PTPRA: variants seen among roughly 807,000 people sequenced by gnomAD.
PTPRA encodes the protein receptor-type tyrosine-protein phosphatase alpha.
PTPRA carries 25 observed loss-of-function variants against 104.8 expected under a neutral mutation model. That is an observed-to-expected ratio of 0.24 (90% CI 0.17 to 0.33). The LOEUF (loss-of-function observed/expected upper bound fraction) is 0.33. Ranked by LOEUF, PTPRA falls within the 10% of genes least tolerant of loss-of-function variation. The pLI is 1.00. For synonymous variants in PTPRA, 323 were observed against 368.9 expected, an observed-to-expected ratio of 0.88 and a Z score of 1.43; for missense variants, 765 against 1,015.3, an observed-to-expected ratio of 0.75 and a Z score of 3.35.
chr20:2,917,998 G>A (rs2059965735), intron 1 of PTPRA, among the ~76,000 whole-genome samples: 1 of 147,698 alleles, frequency 6.8e-6, no homozygotes, highest in East Asian at 2.0e-4. Flanking sequence ...CTGAAGAAGA[G>A]AATCACTTGA....
At chr20:2,954,383 G>C (rs969002646) in intron 3 of PTPRA, among the ~76,000 whole-genome samples, 1 of 150,252 alleles carries the variant, frequency 6.7e-6, no homozygotes, top group Non-Finnish European at 1.5e-5. Flanking sequence ...CTGGCCCCCA[G>C]CTAACTTTTA....
intron 22 of PTPRA, 77 bp downstream of exon 22, chr20:3,036,018 A>C: frequency 6.3e-7 from 1 of 1,597,898 alleles, no homozygotes; most frequent in South Asian, 1.1e-5. Flanking sequence ...ACCATGGGTC[A>C]GACTGAAGAA....
intron 18 of PTPRA, 121 bp from the exon 19 acceptor site, chr20:3,027,000 G>A (rs1370111695): frequency 5.2e-6 from 6 of 1,163,144 alleles, no homozygotes; most frequent in Non-Finnish European, 7.6e-6. Flanking sequence ...AATGAGCTAG[G>A]AACAGACATG....
At chr20:2,952,162 G>T (rs547262574) in intron 3 of PTPRA, among the ~76,000 whole-genome samples, 6 of 152,056 alleles carry the variant, frequency 3.9e-5, no homozygotes, top group African/African-American at 1.4e-4. Flanking sequence ...CTCCAAAATG[G>T]TTGTACCATT....
At chr20:2,919,824 A>T (rs893066549) in intron 1 of PTPRA, among the ~76,000 whole-genome samples, 89 of 152,328 alleles carry the variant, frequency 5.8e-4, no homozygotes, top group African/African-American at 2.0e-3. Context: ...ACTACAACCC[A>T]ATGCCAGTTT....
At chr20:3,012,797 C>T (rs2064236635) in intron 11 of PTPRA, among the ~76,000 whole-genome samples, 1 of 152,016 alleles carries the variant, frequency 6.6e-6, no homozygotes, top group Non-Finnish European at 1.5e-5. Flanking sequence ...CCTTTTTTTC[C>T]CCTAACATTG....
At chr20:2,923,436 C>T (rs1275302793) in intron 2 of PTPRA, among the ~76,000 whole-genome samples, 151 bp downstream of exon 2, 1 of 151,700 alleles carries the variant, frequency 6.6e-6, no homozygotes, top group Non-Finnish European at 1.5e-5. Context: ...TTGTAATTAT[C>T]CTTTAAGATA....
intron 6 of PTPRA, among the ~76,000 whole-genome samples, chr20:2,977,871 C>T (rs1421762729): frequency 6.6e-6 from 1 of 152,036 alleles, no homozygotes; most frequent in Non-Finnish European, 1.5e-5. Context: ...GAAGTCTACT[C>T]AGTTACATGC....
chr20:2,994,341 T>C (rs1349733191), intron 9 of PTPRA, among the ~76,000 whole-genome samples: 1 of 152,162 alleles, frequency 6.6e-6, no homozygotes, highest in East Asian at 1.9e-4. Context: ...GGTGGTCTAG[T>C]AGGCTGCCTA....
At chr20:2,930,576 GA>G (rs2060469386) in intron 2 of PTPRA, among the ~76,000 whole-genome samples, 1 of 152,142 alleles carries the variant, frequency 6.6e-6, no homozygotes, top group Admixed American at 6.5e-5. Flanking sequence ...TTCTTGGGGG[GA>G]ATCTGTCCCA....
chr20:2,910,174 G>A (rs28844891), intron 1 of PTPRA, among the ~76,000 whole-genome samples: 4,123 of 101,078 alleles, frequency 0.041, 194 homozygotes, highest in Admixed American at 0.12. Flanking sequence ...ATAATATGAC[G>A]TATAGTATAT....
chr20:3,002,322 ATTTTTTTTT>A (rs5839983), intron 9 of PTPRA, among the ~76,000 whole-genome samples: 94 of 116,902 alleles, frequency 8.0e-4, no homozygotes, highest in African/African-American at 2.8e-3. Context: ...AAATGTAGTA[ATTTTTTTTT>A]TTTTTTTTTT....
rs1436457822 is a variant in PTPRA, at chr20:2,888,139, CAAAG to C, written c.-129+14383_-129+14386del. Among the ~76,000 whole-genome samples, 16 of 152,304 alleles carry C rather than the reference CAAAG, an allele frequency of 1.1e-4. 1 individual carries two copies. Among genetic ancestry groups the C allele is most frequent in the African/African-American group, 3.1e-4 (13 of 41,568 alleles). On this transcript the variant is annotated intron_variant, in intron 1 of 23. Coordinates refer to ENST00000399903, the MANE Select transcript of PTPRA (RefSeq NM_001385305.1). ...GTTCTTGCTACCAGCTGGTGGAAGACAAAGAAAACCCCTTTTCTTCCTGTATTTC... is the reference window on the plus strand; with the variant it reads ...GTTCTTGCTACCAGCTGGTGGAAGACAAAACCCCTTTTCTTCCTGTATTTC...
chr20:2,979,352 GACTCTCCTGTTGCA>G (rs2062574417), intron 6 of PTPRA, among the ~76,000 whole-genome samples: 1 of 151,944 alleles, frequency 6.6e-6, no homozygotes, highest in Non-Finnish European at 1.5e-5. Flanking sequence ...TTCTTCTTTG[GACTCTCCTGTTGCA>G]CAGGTATTGG....
intron 1 of PTPRA, among the ~76,000 whole-genome samples, chr20:2,915,817 C>T (rs2059884005): frequency 6.6e-6 from 1 of 152,096 alleles, no homozygotes; most frequent in African/African-American, 2.4e-5. Context: ...GTGCCCATCT[C>T]TACTCAAATA....
chr20:2,998,927 AATTT>A (rs1354722016), intron 9 of PTPRA, among the ~76,000 whole-genome samples: 2 of 94,776 alleles, frequency 2.1e-5, no homozygotes, highest in Non-Finnish European at 4.0e-5. Flanking sequence ...ACATATTTAT[AATTT>A]ATTATATATG....
intron 3 of PTPRA, among the ~76,000 whole-genome samples, chr20:2,958,675 A>G (rs1373546375): frequency 3.0e-5 from 4 of 134,856 alleles, no homozygotes; most frequent in African/African-American, 8.6e-5. Flanking sequence ...AAAAAAAAAA[A>G]AAAAAAAAAA....
At chr20:2,891,141 G>A (rs1021783187) in intron 1 of PTPRA, among the ~76,000 whole-genome samples, 1 of 152,122 alleles carries the variant, frequency 6.6e-6, no homozygotes, top group Non-Finnish European at 1.5e-5. Flanking sequence ...TTTTACATCT[G>A]TAACATTTCT....
chr20:3,029,023 T>C (rs637555), intron 20 of PTPRA, among the ~76,000 whole-genome samples: 92,150 of 151,956 alleles, frequency 0.61, 29,427 homozygotes, highest in East Asian at 0.81. Context: ...ATTAGTTGTC[T>C]CAAGTCACTA....
Sources: gnomAD v4.1 joint callset for allele counts (sites outside exome capture counted in the v4.1 genomes callset) on GRCh38, gnomAD v4.1.1 for gene constraint, MANE v1.5 for transcripts, NCBI Gene and HGNC (gene_info 2026-07-23, HGNC 2026-07-21) for gene names.